Variants in PRSS55 observed in about 807,000 individuals in gnomAD.
PRSS55 encodes the protein probable serine protease UNQ9391/PRO34284.
In PRSS55, 41 loss-of-function variants were observed where a neutral mutation model predicts 23.6. The ratio of observed to expected loss-of-function variants is 1.74; its 90% CI spans 1.35 to 2.26. The LOEUF is 2.26. PRSS55 is among the 30% of genes most tolerant of loss of function. The probability of loss-of-function intolerance (pLI) is 0.00; values close to 1 mark genes in which losing one functional copy is unlikely to be tolerated. For missense variants in PRSS55, 669 were observed against 439.1 expected, an observed-to-expected ratio of 1.52 and a Z score of -4.68; for synonymous variants, 262 against 175.5, an observed-to-expected ratio of 1.49 and a Z score of -3.90.
intron 4 of PRSS55, among the ~76,000 whole-genome samples, chr8:10,550,902 C>T (rs555918961): frequency 6.6e-6 from 1 of 152,236 alleles, no homozygotes; most frequent in Non-Finnish European, 1.5e-5. Flanking sequence ...GCTTGCTCAG[C>T]TATCCTGTCT....
At chr8:10,531,668 C>G in intron 3 of PRSS55, 123 bp downstream of exon 3, 1 of 1,384,986 alleles carries the variant, frequency 7.2e-7, no homozygotes, top group Non-Finnish European at 9.7e-7. Flanking sequence ...AGTGGAGTCT[C>G]ACAGTGCCCA....
At chr8:10,529,174 G>T (rs1175014437) in intron 1 of PRSS55, among the ~76,000 whole-genome samples, 1 of 152,224 alleles carries the variant, frequency 6.6e-6, no homozygotes, top group African/African-American at 2.4e-5. Context: ...ACCACGGGGG[G>T]TTAGCCTTGG....
At chr8:10,547,504 G>A (rs551560735) in intron 4 of PRSS55, 114 of 152,570 alleles carry the variant, frequency 7.5e-4, no homozygotes, top group South Asian at 2.3e-3. Context: ...CAGGGCCCTC[G>A]GCCTCAGCCT....
chr8:10,552,673 A>G (rs1319006720), intron 4 of PRSS55, among the ~76,000 whole-genome samples: 1 of 152,234 alleles, frequency 6.6e-6, no homozygotes, highest in African/African-American at 2.4e-5. Context: ...AAAACTTCTC[A>G]ACATCACTAA....
intron 1 of PRSS55, 131 bp downstream of exon 1, chr8:10,525,870 T>C: frequency 1.2e-5 from 12 of 969,484 alleles, no homozygotes; most frequent in Non-Finnish European, 1.8e-5. Context: ...AAACCACTTG[T>C]CCTTTCTCTC....
downstream of PRSS55, chr8:10,540,782 A>T (rs1812633846): frequency 6.6e-6 from 1 of 152,222 alleles, no homozygotes; most frequent in African/African-American, 2.4e-5. Context: ...CTACTCCTCC[A>T]GAGGTCCTAC....
At chr8:10,532,296 G>A (rs1316712222) in intron 3 of PRSS55, among the ~76,000 whole-genome samples, 1 of 152,114 alleles carries the variant, frequency 6.6e-6, no homozygotes, top group African/African-American at 2.4e-5. Flanking sequence ...GAGGCACATG[G>A]GCATGCACAA....
At chr8:10,531,844 C>T (rs1489993935) in intron 3 of PRSS55, 1 of 371,504 alleles carries the variant, frequency 2.7e-6, no homozygotes, top group African/African-American at 2.1e-5. Flanking sequence ...TATTCATAAA[C>T]ATCTTCCCTG....
chr8:10,543,750 TTAAAG>T (rs1162101146), downstream of PRSS55, among the ~76,000 whole-genome samples: 1 of 152,172 alleles, frequency 6.6e-6, no homozygotes, highest in East Asian at 1.9e-4. Flanking sequence ...CTCATTGACC[TTAAAG>T]TATTTTCTAA....
At chr8:10,541,260 G>A (rs1384373800), downstream of PRSS55, 1 of 152,370 alleles carries the variant, frequency 6.6e-6, no homozygotes, top group Admixed American at 6.5e-5. Context: ...TCAACTTGGA[G>A]GGGATCTGTG....
rs4400345 is a variant in PRSS55 at position 10,531,791 on chromosome 8, C to G, written c.598+246C>G. The G allele has an allele frequency of 5.5e-6, 3 of 540,704 alleles. 1 individual carries two copies. The highest frequency in any genetic ancestry group is 2.4e-5 in the South Asian group (1 of 41,570). The allele number at this position is 540,704 out of a possible 1,614,324, so 33.5% of individuals were successfully genotyped here. On this transcript the variant is annotated intron_variant, in intron 3 of 4. Coordinates refer to ENST00000328655, the MANE Select transcript of PRSS55 (RefSeq NM_198464.4). ...AGAGCAGTGTGGTTTGTGTGTTTAA[C>G]TGAATTTAAACTCTGCAGTTAGCCA...
At chr8:10,548,732 C>T (rs1484180636) in intron 4 of PRSS55, among the ~76,000 whole-genome samples, 1 of 151,952 alleles carries the variant, frequency 6.6e-6, no homozygotes, top group Non-Finnish European at 1.5e-5. Context: ...GCTCCAAAGC[C>T]TCAGACTTGG....
rs1174971882 is a variant in PRSS55 at position 10,544,142 on chromosome 8, T to C, written c.742-9801T>C. The stretch of plus-strand genomic sequence containing the variant: ...AGATTTAAGTCTCCAACTTCTGTTA[T>C]TAAATTGTCTCTTTCTTCCTTCAAT... On this transcript the variant is annotated intron_variant, in intron 4 of 4. Coordinates refer to the PRSS55 transcript ENST00000522210. Among the ~76,000 whole-genome samples, 3 of 84,122 alleles carry C rather than the reference T, an allele frequency of 3.6e-5. No homozygotes were observed. The East Asian group carries it at 1.0e-3, about 29-fold the overall frequency. 55.2% of individuals were successfully genotyped at this position (84,122 alleles called of 152,430 possible).
Position 10,531,465 on chromosome 8 carries a change from T to C in PRSS55, c.518T>C (p.Val173Ala). 6.2e-7 allele frequency: 1 copy of C among 1,614,100 alleles called. No individual in the cohort carries two copies. Among genetic ancestry groups the C allele is most frequent in the Non-Finnish European group, 8.5e-7 (1 of 1,180,032 alleles). The part of the protein sequence containing the change: ...ASPIKLDDLK[V>A]PICLPTQPGP... Reference sequence around the variant, plus strand: ...CCCATCAAGCTCGATGACCTGAAGGTGCCCATCTGCCTCCCCACGCAGCCC... The same window carrying C: ...CCCATCAAGCTCGATGACCTGAAGGCGCCCATCTGCCTCCCCACGCAGCCC... Residue 173 changes from valine to alanine, a missense_variant, in exon 3 of 5, where the codon GTG becomes GCG. By Grantham distance (64) the Val-to-Ala change is moderately conservative. Coordinates refer to ENST00000328655, the MANE Select transcript of PRSS55 (RefSeq NM_198464.4).
Position 10,538,540 on chromosome 8 carries a change from T to C in PRSS55, c.806T>C (p.Ile269Thr), listed in dbSNP as rs1474307876. The change falls in exon 5 of 5, where the codon ATC becomes ACC. Residue 269 changes from isoleucine to threonine, a missense_variant. By Grantham distance (89) the Ile-to-Thr change is moderately conservative (BLOSUM62 -1). Coordinates refer to ENST00000328655, the MANE Select transcript of PRSS55 (RefSeq NM_198464.4). ...GGTGAGAAGTGGTACCAGGTGGGCA[T>C]CATAAGCTGGGGAAAGAGCTGTGGA... is the stretch of plus-strand genomic sequence containing the variant. ...EPGEKWYQVGIISWGKSCGEK... is the reference protein window; with the variant it reads ...EPGEKWYQVGTISWGKSCGEK... 6.2e-7 allele frequency: 1 copy of C among 1,614,082 alleles called. No individual in the cohort carries two copies. The highest frequency in any genetic ancestry group is 1.7e-5 in the Admixed American group (1 of 60,016).
rs200106190 is a variant in PRSS55 at position 10,529,656 on chromosome 8, T to G, written c.304T>G (p.Trp102Gly). The G allele has an allele frequency of 1.6e-4, 254 of 1,614,102 alleles. No homozygotes were observed. In the Admixed American group the frequency reaches 2.0e-3, roughly 13 times the overall value. The stretch of plus-strand genomic sequence containing the variant: ...TGGCGGCTCCATCCTCAACAAGTGG[T>G]GGATTCTCACTGCGGCTCACTGCTT... The part of the protein sequence containing the change: ...FCGGSILNKW[W>G]ILTAAHCLYS... The change falls in exon 2 of 5, where the codon TGG becomes GGG. Residue 102 changes from tryptophan to glycine, a missense_variant. Physicochemically the swap from Trp to Gly is radical, Grantham distance 184 (BLOSUM62 -2). Transcript: ENST00000328655.
At chr8:10,540,684 C>T (rs71516583), downstream of PRSS55, 27,894 of 151,940 alleles carry the variant, frequency 0.18, 2,808 homozygotes, top group East Asian at 0.33. Flanking sequence ...CACTGCACTC[C>T]GGCCTGGGCA....
At chr8:10,553,652 T>C (rs1563553224) in intron 4 of PRSS55, among the ~76,000 whole-genome samples, 1 of 152,052 alleles carries the variant, frequency 6.6e-6, no homozygotes, top group Non-Finnish European at 1.5e-5. Flanking sequence ...GAGGGGGAAA[T>C]GGTCAAAGGG....
Position 10,525,639 on chromosome 8 carries a change from C to G in PRSS55, c.54C>G (p.Leu18=). 1.9e-6 allele frequency: 3 copies of G among 1,614,130 alleles called. No homozygotes were observed. Among genetic ancestry groups the G allele is most frequent in the Non-Finnish European group, 1.7e-6 (2 of 1,180,002 alleles). The change falls in exon 1 of 5, where the codon CTC becomes CTG. Residue 18 remains leucine, a synonymous_variant. Transcript: ENST00000328655. ...TGTCCCTGGTCACGGGAACTCAGCT[C>G]GGTCCACGGACTCCTCTCCCAGAGG... The part of the protein sequence containing the change: ...LLLSLVTGTQ[L]GPRTPLPEAG...
Sources: gnomAD v4.1 joint callset for allele counts (sites outside exome capture counted in the v4.1 genomes callset) on GRCh38, gnomAD v4.1.1 for gene constraint, MANE v1.5 for transcripts, NCBI Gene and HGNC (gene_info 2026-07-23, HGNC 2026-07-21) for gene names.